Variants in RARB observed in about 807,000 individuals in gnomAD.
RARB encodes retinoic acid receptor beta.
RARB carries 17 observed loss-of-function variants against 51.9 expected under a neutral mutation model. The ratio of observed to expected loss-of-function variants is 0.33; its 90% confidence interval spans 0.22 to 0.49. RARB has a LOEUF of 0.49. Among genes scored for constraint, RARB ranks in the 20% least tolerant of loss-of-function variants. The pLI is 0.99. For missense variants in RARB, 369 were observed against 550.8 expected (o/e 0.67, Z 3.30); for synonymous variants, 215 against 195.4 (o/e 1.10, Z -0.84).
At chr3:24,853,127 A>G (rs1331247705) in intron 1 of RARB, among the ~76,000 whole-genome samples, 2 of 151,624 alleles carry the variant, frequency 1.3e-5, no homozygotes, top group East Asian at 3.9e-4. Context: ...ATTCTGGTTA[A>G]CACGGTGAAA....
At chr3:25,564,310 C>G (rs1700395838) in intron 3 of RARB, among the ~76,000 whole-genome samples, 1 of 152,192 alleles carries the variant, frequency 6.6e-6, no homozygotes, top group African/African-American at 2.4e-5. Flanking sequence ...ATTTGTAGCA[C>G]TTAGCCCCTC....
At position 25,254,518 on chromosome 3, in the gene RARB, C is replaced by A. The variant is rs149501874; in HGVS notation, c.178+79943C>A. ...AATGGAACTCACACTGAAACAATAT[C>A]ATTATTGGGACACTACCTTAGCAGC... is the stretch of plus-strand genomic sequence containing the variant. On this transcript the variant is annotated intron_variant, in intron 5 of 11. Coordinates refer to the RARB transcript ENST00000383772. Among the ~76,000 whole-genome samples, 623 of 152,192 alleles carry A rather than the reference C, an allele frequency of 4.1e-3. 9 individuals carry two copies. Among genetic ancestry groups the A allele is most frequent in the East Asian group, 5.2e-3 (27 of 5,168 alleles).
At chr3:25,445,402 C>T (rs1386719208) in intron 1 of RARB, among the ~76,000 whole-genome samples, 8 of 152,242 alleles carry the variant, frequency 5.3e-5, no homozygotes, top group South Asian at 2.1e-4. Context: ...GCATAGCTCA[C>T]GCCTGTAATC....
intron 5 of RARB, among the ~76,000 whole-genome samples, chr3:25,330,939 T>A (rs1441606231): frequency 6.6e-6 from 1 of 152,198 alleles, no homozygotes; most frequent in Non-Finnish European, 1.5e-5. Context: ...GGCCATTACA[T>A]AATGGTGAAG....
chr3:24,954,652 C>A (rs1575089427), intron 2 of RARB, among the ~76,000 whole-genome samples: 3 of 151,978 alleles, frequency 2.0e-5, no homozygotes, highest in East Asian at 1.9e-4. Flanking sequence ...GTGTGAGAGA[C>A]AATAGAGAGG....
intron 2 of RARB, among the ~76,000 whole-genome samples, chr3:24,941,366 A>AAGGC (rs1334593598): frequency 6.7e-6 from 1 of 150,162 alleles, no homozygotes; most frequent in Non-Finnish European, 1.5e-5. Flanking sequence ...ATCAGAATAA[A>AAGGC]AGGCAGTCTT....
intron 1 of RARB, among the ~76,000 whole-genome samples, chr3:24,852,228 G>T (rs576702405): frequency 2.0e-5 from 3 of 152,162 alleles, no homozygotes; most frequent in African/African-American, 7.2e-5. Flanking sequence ...TTTGCGGGAC[G>T]AATCTGAAAG....
At chr3:25,345,158 T>C (rs539883448) in intron 5 of RARB, among the ~76,000 whole-genome samples, 1 of 152,286 alleles carries the variant, frequency 6.6e-6, no homozygotes, top group South Asian at 2.1e-4. Context: ...AGAAAAAGTG[T>C]TCTCAACCCA....
At chr3:25,088,726 C>G (rs1279931224) in intron 3 of RARB, among the ~76,000 whole-genome samples, 3 of 152,038 alleles carry the variant, frequency 2.0e-5, no homozygotes, top group African/African-American at 7.2e-5. Context: ...ATTTGGTGAA[C>G]CAGATATATT....
At chr3:24,979,571 T>C (rs559402576) in intron 2 of RARB, among the ~76,000 whole-genome samples, 2 of 152,264 alleles carry the variant, frequency 1.3e-5, no homozygotes, top group South Asian at 4.1e-4. Context: ...CCTCCTGTTT[T>C]TTTTGTTTTG....
chr3:25,316,496 C>A (rs780243539), intron 5 of RARB, among the ~76,000 whole-genome samples: 2 of 151,836 alleles, frequency 1.3e-5, no homozygotes, highest in African/African-American at 4.8e-5. Context: ...GAAAAGCATG[C>A]CTGGGGGAAA....
At chr3:25,269,822 A>G (rs2125410790) in intron 5 of RARB, among the ~76,000 whole-genome samples, 1 of 152,322 alleles carries the variant, frequency 6.6e-6, no homozygotes, top group South Asian at 2.1e-4. Context: ...TTTATGCTAA[A>G]AATGTCATGT....
At chr3:25,291,312 T>C (rs1703780090) in intron 5 of RARB, among the ~76,000 whole-genome samples, 1 of 152,142 alleles carries the variant, frequency 6.6e-6, no homozygotes, top group Non-Finnish European at 1.5e-5. Flanking sequence ...ATGTAAGCAA[T>C]AAACTGCACT....
chr3:25,538,984 A>G (rs1699255317), intron 3 of RARB, among the ~76,000 whole-genome samples: 1 of 152,236 alleles, frequency 6.6e-6, no homozygotes, highest in Non-Finnish European at 1.5e-5. Flanking sequence ...AAGCTTAATT[A>G]CAAATAGTCT....
chr3:25,155,421 C>T (rs947386554), intron 4 of RARB, among the ~76,000 whole-genome samples: 1 of 152,176 alleles, frequency 6.6e-6, no homozygotes, highest in African/African-American at 2.4e-5. Flanking sequence ...TATCTCAGTG[C>T]TTTGGTCATA....
intron 5 of RARB, among the ~76,000 whole-genome samples, chr3:25,396,978 T>C (rs1024158117): frequency 6.6e-6 from 1 of 152,184 alleles, no homozygotes; most frequent in African/African-American, 2.4e-5. Context: ...GAAAGAAACC[T>C]GGGCTTTCAG....
Position 25,531,723 on chromosome 3 carries a change from T to A in RARB, c.448+30400T>A, listed in dbSNP as rs867958665. ...GAACAAGAAAAAGATATAGACACTT[T>A]AAAAAAAAAAAAAAAAAAGCAGATA... On this transcript the variant is annotated intron_variant, in intron 3 of 7. Transcript: ENST00000330688. Among the ~76,000 whole-genome samples, 137 of 134,514 alleles carry A rather than the reference T, an allele frequency of 1.0e-3. 2 individuals carry two copies. Among genetic ancestry groups the A allele is most frequent in the African/African-American group, 2.9e-3 (110 of 38,064 alleles). 88.2% of individuals were successfully genotyped at this position (134,514 alleles called of 152,430 possible). A position where few individuals can be genotyped will look rare whatever the true frequency, so the allele number is the denominator to read the frequency against.
chr3:25,349,996 A>C (rs1305348534), intron 5 of RARB, among the ~76,000 whole-genome samples: 1 of 151,896 alleles, frequency 6.6e-6, no homozygotes, highest in African/African-American at 2.4e-5. Context: ...CTGTGGTCTC[A>C]CCACATGACT....
chr3:25,348,714 T>G (rs1705471475), intron 5 of RARB, among the ~76,000 whole-genome samples: 1 of 152,254 alleles, frequency 6.6e-6, no homozygotes, highest in Admixed American at 6.5e-5. Flanking sequence ...AATCTTAACG[T>G]TTTTTCTAAA....
Sources: gnomAD v4.1 joint callset for allele counts (sites outside exome capture counted in the v4.1 genomes callset) on GRCh38, gnomAD v4.1.1 for gene constraint, MANE v1.5 for transcripts, NCBI Gene and HGNC (gene_info 2026-07-23, HGNC 2026-07-21) for gene names.